The following ETFA variants were observed in gnomAD, a reference collection of about 807,000 sequenced individuals.
ETFA encodes electron transfer flavoprotein subunit alpha.
ETFA carries 22 observed loss-of-function variants against 46.2 expected under a neutral mutation model. That is an observed-to-expected ratio of 0.48 (90% CI 0.34 to 0.68). The LOEUF (loss-of-function observed/expected upper bound fraction) is 0.68, where lower values mean the gene tolerates loss of function less well. ETFA is among the 30% of genes least tolerant of loss of function. The probability of loss-of-function intolerance (pLI) is 0.01; values close to 1 mark genes in which losing one functional copy is unlikely to be tolerated. For missense variants in ETFA, 345 were observed against 401.1 expected, an observed-to-expected ratio of 0.86 and a Z score of 1.19; for synonymous variants, 131 against 139.9, an observed-to-expected ratio of 0.94 and a Z score of 0.45.
At chr15:76,242,654 C>T (rs1463895210) in intron 9 of ETFA, among the ~76,000 whole-genome samples, 3 of 152,044 alleles carry the variant, frequency 2.0e-5, no homozygotes, top group Non-Finnish European at 4.4e-5. Context: ...ACCTAAGTAC[C>T]CATTGACAGA....
rs545513601 is a variant in ETFA, at chr15:76,223,198, T to C, written c.963+2651A>G. Among the ~76,000 whole-genome samples, 9 of 150,608 alleles carry C rather than the reference T, an allele frequency of 6.0e-5. No homozygotes were observed. In the East Asian group the frequency reaches 1.2e-3, roughly 20 times the overall value. ...TACTTTTGTATTAATCAAATACATATATAACTGTACTTCAGAACTTTTTTT... is the reference window on the plus strand; with the variant it reads ...TACTTTTGTATTAATCAAATACATACATAACTGTACTTCAGAACTTTTTTT... On this transcript the variant is annotated intron_variant, in intron 11 of 11. Transcript: ENST00000557943.
Position 76,216,007 on chromosome 15 carries a change from C to T in ETFA, c.*552G>A, listed in dbSNP as rs777930052. The T allele has an allele frequency of 6.6e-6, 1 of 152,480 alleles. No homozygotes were observed. Among genetic ancestry groups the T allele is most frequent in the Non-Finnish European group, 1.5e-5 (1 of 68,266 alleles). The allele number at this position is 152,480 out of a possible 1,614,324, so 9.4% of individuals were successfully genotyped here. A position where few individuals can be genotyped will look rare whatever the true frequency, so the allele number is the denominator to read the frequency against. On this transcript the variant is annotated 3_prime_UTR_variant, in exon 12 of 12. Coordinates refer to ENST00000557943, the MANE Select transcript of ETFA (RefSeq NM_000126.4). ...AGGTTTAAGTCAGGTCTGCTTTTGTCACATTAGCTATGGTCTTCTGAAGAC... is the reference window on the plus strand; with the variant it reads ...AGGTTTAAGTCAGGTCTGCTTTTGTTACATTAGCTATGGTCTTCTGAAGAC...
intron 11 of ETFA, chr15:76,217,441 T>G (rs964501529): frequency 7.7e-5 from 25 of 323,238 alleles, no homozygotes; most frequent in African/African-American, 5.0e-4. Context: ...ATGTGCTACA[T>G]GCTGAACATT....
chr15:76,265,869 A>T (rs2039465721), intron 9 of ETFA, among the ~76,000 whole-genome samples: 1 of 152,216 alleles, frequency 6.6e-6, no homozygotes, highest in South Asian at 2.1e-4. Flanking sequence ...CAAACAGATC[A>T]GACTGGATTG....
intron 1 of ETFA, 125 bp downstream of exon 1, chr15:76,311,225 G>A: frequency 3.5e-6 from 4 of 1,158,118 alleles, no homozygotes; most frequent in Non-Finnish European, 3.7e-6. Context: ...GTCCCAGGCG[G>A]GGACCGGCCT....
At chr15:76,307,535 G>A (rs1022226930) in intron 1 of ETFA, among the ~76,000 whole-genome samples, 13 of 150,832 alleles carry the variant, frequency 8.6e-5, no homozygotes, top group South Asian at 4.2e-4. Context: ...TGCCCAGGCC[G>A]GAGGGCAGTG....
chr15:76,237,682 C>T (rs1231286303), intron 9 of ETFA, among the ~76,000 whole-genome samples: 1 of 152,066 alleles, frequency 6.6e-6, no homozygotes, highest in African/African-American at 2.4e-5. Flanking sequence ...TTCTATAATG[C>T]TATTATTTCT....
At chr15:76,246,041 A>G (rs1159825648) in intron 9 of ETFA, among the ~76,000 whole-genome samples, 1 of 152,246 alleles carries the variant, frequency 6.6e-6, no homozygotes, top group Non-Finnish European at 1.5e-5. Flanking sequence ...AACAAAATAA[A>G]ACAAAATCTC....
At chr15:76,293,081 G>C (rs1050369802) in intron 2 of ETFA, among the ~76,000 whole-genome samples, 2 of 152,184 alleles carry the variant, frequency 1.3e-5, no homozygotes. Context: ...AGGTTACAGT[G>C]AGCCAAGATC....
In ETFA at chr15:76,246,214, G is replaced by C. The variant is rs116641593; in HGVS notation, c.817-14816C>G. 5.6e-3 allele frequency among the ~76,000 whole-genome samples: 855 copies of C among 152,242 alleles called. 12 individuals are homozygous for C. Among genetic ancestry groups the C allele is most frequent in the African/African-American group, 0.02 (827 of 41,544 alleles). On this transcript the variant is annotated intron_variant, in intron 9 of 11. Transcript: ENST00000557943. Reference sequence around the variant, plus strand: ...TTAATCTTTAATACTACAGTATGAAGTATGAATTATTATTATCACCATTGT... The same window carrying C: ...TTAATCTTTAATACTACAGTATGAACTATGAATTATTATTATCACCATTGT...
At position 76,311,357 on chromosome 15, in the gene ETFA, C is replaced by G; in HGVS notation, c.32G>C (p.Arg11Pro). 6.4e-7 allele frequency: 1 copy of G among 1,559,660 alleles called. No individual in the cohort carries two copies. The highest frequency in any genetic ancestry group is 8.7e-7 in the Non-Finnish European group (1 of 1,152,476). ...TTCCCAGTCCGGACTCACCGCCCGC[C>G]GGAGCTGCCCCGGAGCCGCCGCTCG... is the stretch of plus-strand genomic sequence containing the variant. MFRAAAPGQL[R>P]RAASLLRFQS... The change falls in exon 1 of 12, where the codon CGG becomes CCG. Residue 11 changes from arginine to proline, a missense_variant. By Grantham distance (103) the Arg-to-Pro change is moderately radical. Transcript: ENST00000557943.
At chr15:76,271,094 C>T (rs1340868788) in intron 9 of ETFA, among the ~76,000 whole-genome samples, 10 of 149,172 alleles carry the variant, frequency 6.7e-5, no homozygotes, top group Admixed American at 6.1e-4. Flanking sequence ...CATTTGCACC[C>T]TGAAGGCAGA....
At chr15:76,231,459 G>T in intron 9 of ETFA, 61 bp from the exon 10 acceptor site, 1 of 1,094,150 alleles carries the variant, frequency 9.1e-7, no homozygotes, top group Non-Finnish European at 1.3e-6. Flanking sequence ...TTTCCAAAGT[G>T]TTTGCTGTTA....
chr15:76,280,917 CTTTTT>C (rs35907442), intron 8 of ETFA, among the ~76,000 whole-genome samples: 2 of 102,064 alleles, frequency 2.0e-5, no homozygotes, highest in South Asian at 3.6e-4. Flanking sequence ...GTTCAGATGT[CTTTTT>C]TTTTTTTTTT....
At chr15:76,249,436 T>TA (rs1555456690) in intron 9 of ETFA, among the ~76,000 whole-genome samples, 9 of 45,604 alleles carry the variant, frequency 2.0e-4, no homozygotes, top group Admixed American at 2.8e-4. Context: ...TCCATGGTAA[T>TA]TTTTTTTTTT....
chr15:76,216,840 CTTTTT>C (rs373144812), intron 11 of ETFA, among the ~76,000 whole-genome samples: 8 of 89,278 alleles, frequency 9.0e-5, no homozygotes, highest in Admixed American at 1.5e-4. Flanking sequence ...TGCCTTTTGC[CTTTTT>C]TTTTTTTTTT....
intron 9 of ETFA, chr15:76,258,978 C>T: frequency 6.3e-7 from 1 of 1,594,234 alleles, no homozygotes; most frequent in Non-Finnish European, 8.6e-7. Context: ...ATGCCCTCTG[C>T]CTGTGAGCTA....
chr15:76,293,573 T>C (rs2039788367), intron 2 of ETFA, among the ~76,000 whole-genome samples: 1 of 152,254 alleles, frequency 6.6e-6, no homozygotes, highest in African/African-American at 2.4e-5. Flanking sequence ...GGCAATTAGA[T>C]TTCCCCTTTT....
chr15:76,225,090 G>C (rs2038991389), intron 11 of ETFA, among the ~76,000 whole-genome samples: 1 of 152,112 alleles, frequency 6.6e-6, no homozygotes, highest in Non-Finnish European at 1.5e-5. Flanking sequence ...TTCCTATTGA[G>C]ACAGATAAGC....
Sources: allele counts gnomAD v4.1 joint callset (sites outside exome capture counted in the v4.1 genomes callset), GRCh38; gene constraint gnomAD v4.1.1; transcripts MANE v1.5; gene names NCBI Gene and HGNC (gene_info 2026-07-23, HGNC 2026-07-21).